Variants in SPINK5 observed in about 807,000 individuals in gnomAD.
SPINK5 encodes the protein serine peptidase inhibitor Kazal type 5.
A neutral mutation model predicts 151.8 loss-of-function variants in SPINK5; 125 were observed. That is an observed-to-expected ratio of 0.82 (90% CI 0.71 to 0.96). The LOEUF is 0.96. Ranked by LOEUF, SPINK5 falls within the 40% of genes least tolerant of loss-of-function variation. The pLI is 0.00. For synonymous variants in SPINK5, 374 were observed against 395.3 expected, an observed-to-expected ratio of 0.95 and a Z score of 0.64; for missense variants, 1,194 against 1,291.9, an observed-to-expected ratio of 0.92 and a Z score of 1.16.
intron 4 of SPINK5, among the ~76,000 whole-genome samples, chr5:148,073,506 G>A (rs970965616): frequency 2.6e-5 from 4 of 151,750 alleles, no homozygotes; most frequent in Non-Finnish European, 5.9e-5. Flanking sequence ...AACTTTATAT[G>A]TGTCTTATTT....
At chr5:148,125,874 C>T (rs756446755) in intron 29 of SPINK5, 24 bp downstream of exon 29, 1 of 1,614,070 alleles carries the variant, frequency 6.2e-7, no homozygotes, top group Non-Finnish European at 8.5e-7. Context: ...TTCTGCTCCC[C>T]CTGTAGCTAG....
chr5:148,124,066 T>C, intron 27 of SPINK5, 106 bp downstream of exon 27: 4 of 1,216,056 alleles, frequency 3.3e-6, no homozygotes, highest in Non-Finnish European at 1.2e-6. Flanking sequence ...ACATTAATGA[T>C]ATGATACCTC....
rs774354593 is a variant in SPINK5, at chr5:148,086,532, C to A, written c.410C>A (p.Ala137Glu). ...AGATGTGCACTGTGTGCTGAGAATGCGTGAGTATTCTCTGAAGTAGGCTTT... is the reference window on the plus strand; with the variant it reads ...AGATGTGCACTGTGTGCTGAGAATGAGTGAGTATTCTCTGAAGTAGGCTTT... Reference protein sequence around the residue: ...DNRCALCAENAKTGSQIGVKS... With the variant: ...DNRCALCAENEKTGSQIGVKS... The change falls in exon 5 of 33, where the codon GCG becomes GAG. Residue 137 changes from alanine to glutamate, a missense_variant and splice_region_variant. Physicochemically the swap from Ala to Glu is moderately radical, Grantham distance 107. Transcript: ENST00000256084. 4 of 1,610,454 alleles carry A rather than the reference C, an allele frequency of 2.5e-6. No homozygotes were observed. Among genetic ancestry groups the A allele is most frequent in the Non-Finnish European group, 3.4e-6 (4 of 1,178,140 alleles).
intron 6 of SPINK5, 98 bp from the exon 7 acceptor site, chr5:148,089,388 TGGCCCATA>T (rs1753247241): frequency 6.9e-7 from 1 of 1,447,256 alleles, no homozygotes; most frequent in South Asian, 1.2e-5. Context: ...CTGCTCTAAG[TGGCCCATA>T]GCAATGTCAG....
chr5:148,128,882 T>C (rs570697967), intron 30 of SPINK5, among the ~76,000 whole-genome samples: 52 of 152,172 alleles, frequency 3.4e-4, no homozygotes, highest in Middle Eastern at 3.4e-3. Context: ...TAGCGCTCAC[T>C]ACATGAAGTT....
rs1355676291 is a variant in SPINK5 at position 148,089,081 on chromosome 5, T to C, written c.475-413T>C. On this transcript the variant is annotated intron_variant, in intron 6 of 32. Coordinates refer to ENST00000256084, the MANE Select transcript of SPINK5 (RefSeq NM_006846.4). ...GAAAGGATCTCATACATGTCACACT[T>C]GTCTTTTTCCAGGTGAATGATTTTC... 1.5e-5 allele frequency: 7 copies of C among 461,356 alleles called. No individual in the cohort carries two copies. The East Asian group carries it at 4.1e-4, about 27-fold the overall frequency. 28.6% of individuals were successfully genotyped at this position (461,356 alleles called of 1,614,324 possible). A position where few individuals can be genotyped will look rare whatever the true frequency, so the allele number is the denominator to read the frequency against.
intron 31 of SPINK5, 54 bp from the exon 32 acceptor site, chr5:148,133,743 C>G (rs1754628293): frequency 6.3e-7 from 1 of 1,576,952 alleles, no homozygotes; most frequent in African/African-American, 1.3e-5. Flanking sequence ...TATTTATTTT[C>G]TTATTATAAC....
chr5:148,120,381 A>AT lies in SPINK5; in HGVS notation c.2529dup (p.Asp844Ter). ...AGGAGCAATACAGGAGAAAGGAGCA[A>AT]TGACAAAGAGGTAATAGATGTTAGA... On this transcript the variant is annotated frameshift_variant, in exon 26 of 33. Transcript: ENST00000256084. LOFTEE classifies it high-confidence loss of function. 2 of 1,599,514 alleles carry AT rather than the reference A, an allele frequency of 1.3e-6. No individual in the cohort carries two copies. The highest frequency in any genetic ancestry group is 8.5e-7 in the Non-Finnish European group (1 of 1,171,966).
chr5:148,126,393 G>C (rs1002131938), intron 29 of SPINK5, among the ~76,000 whole-genome samples: 1 of 152,066 alleles, frequency 6.6e-6, no homozygotes, highest in African/African-American at 2.4e-5. Context: ...TTCATAGTGA[G>C]TGTTCTTTGA....
At chr5:148,075,527 T>A (rs1012877133) in intron 4 of SPINK5, among the ~76,000 whole-genome samples, 1 of 151,746 alleles carries the variant, frequency 6.6e-6, no homozygotes, top group African/African-American at 2.4e-5. Context: ...TTTTAAATAA[T>A]TCTTATCTGG....
chr5:148,125,872 C>T, intron 29 of SPINK5, 22 bp downstream of exon 29: 4 of 1,614,098 alleles, frequency 2.5e-6, no homozygotes, highest in Non-Finnish European at 2.5e-6. Flanking sequence ...GATTCTGCTC[C>T]CCCTGTAGCT....
In SPINK5 at chr5:148,100,532, C is replaced by G. The variant is rs1469323810; in HGVS notation, c.1171C>G (p.Pro391Ala). Reference sequence around the variant, plus strand: ...CAGAGAGAACGATCCTATCCAGGGCCCAGATGGGAAAGTGCATGGCAACAC... The same window carrying G: ...CAGAGAGAACGATCCTATCCAGGGCGCAGATGGGAAAGTGCATGGCAACAC... ...CTRENDPIQG[P>A]DGKVHGNTCS... is the part of the protein sequence containing the mutation. Residue 391 changes from proline to alanine, a missense_variant, in exon 13 of 33, where the codon CCA (proline) becomes GCA (alanine). Transcript: ENST00000256084. The G allele has an allele frequency of 5.0e-6, 8 of 1,613,156 alleles. No individual in the cohort carries two copies. The highest frequency in any genetic ancestry group is 6.8e-6 in the Non-Finnish European group (8 of 1,179,428).
intron 20 of SPINK5, 40 bp from the exon 21 acceptor site, chr5:148,114,322 C>A: frequency 6.2e-7 from 1 of 1,600,216 alleles, no homozygotes. Flanking sequence ...ACTAATTTCC[C>A]AGAAGATACT....
intron 2 of SPINK5, among the ~76,000 whole-genome samples, chr5:148,066,576 C>G (rs1752591324): frequency 6.6e-6 from 1 of 151,950 alleles, no homozygotes; most frequent in African/African-American, 2.4e-5. Context: ...ATCATGTTCT[C>G]TACTATTTCA....
At chr5:148,113,236 C>T (rs1446125490) in intron 20 of SPINK5, among the ~76,000 whole-genome samples, 1 of 152,112 alleles carries the variant, frequency 6.6e-6, no homozygotes, top group African/African-American at 2.4e-5. Flanking sequence ...AAACGGCTGG[C>T]CAGATGTTGC....
At chr5:148,109,193 T>C (rs982581063) in intron 18 of SPINK5, among the ~76,000 whole-genome samples, 3 of 152,130 alleles carry the variant, frequency 2.0e-5, no homozygotes, top group Admixed American at 1.3e-4. Context: ...AATATTTACC[T>C]TAAAAACAGC....
At chr5:148,102,685 A>T (rs11168023) in intron 15 of SPINK5, among the ~76,000 whole-genome samples, 67,588 of 152,000 alleles carry the variant, frequency 0.44, 16,409 homozygotes, top group Admixed American at 0.58. Context: ...ACATATGATT[A>T]CACATAAAAT....
chr5:148,098,062 C>T, intron 11 of SPINK5, 68 bp downstream of exon 11: 1 of 1,462,100 alleles, frequency 6.8e-7, no homozygotes, highest in Non-Finnish European at 9.5e-7. Context: ...GAAACAGCTT[C>T]TTTCATAGAT....
chr5:148,094,487 T>C lies in SPINK5; in HGVS notation c.794+6T>C. ...GCCCTGTGTGCTGAAATTTTGTGAG[T>C]ATAGAAGTGGTTTTTTCAGAGTGAT... On this transcript the variant is annotated splice_donor_region_variant and intron_variant, in intron 9 of 32. Coordinates refer to ENST00000256084, the MANE Select transcript of SPINK5 (RefSeq NM_006846.4). The C allele has an allele frequency of 1.2e-6, 2 of 1,612,166 alleles. No homozygotes were observed. The highest frequency in any genetic ancestry group is 1.7e-6 in the Non-Finnish European group (2 of 1,178,794).
Sources: gnomAD v4.1 joint callset for allele counts (sites outside exome capture counted in the v4.1 genomes callset) on GRCh38, gnomAD v4.1.1 for gene constraint, MANE v1.5 for transcripts, NCBI Gene and HGNC (gene_info 2026-07-23, HGNC 2026-07-21) for gene names.